GADL1: variants seen among roughly 807,000 people sequenced by gnomAD.
GADL1 encodes the protein GAD like acidic amino acid decarboxylase 1.
GADL1 carries 71 observed loss-of-function variants against 69.5 expected under a neutral mutation model. The ratio of observed to expected loss-of-function variants is 1.02; its 90% CI spans 0.84 to 1.25. The LOEUF is 1.25. GADL1 is among the 50% of genes most tolerant of loss of function. The pLI is 0.00. For missense variants in GADL1, 737 were observed against 631.8 expected (o/e 1.17, Z -1.79); for synonymous variants, 254 against 214.4 (o/e 1.18, Z -1.62).
chr3:30,774,667 T>G (rs1425949550), intron 14 of GADL1, among the ~76,000 whole-genome samples: 3 of 152,222 alleles, frequency 2.0e-5, no homozygotes, highest in African/African-American at 7.2e-5. Flanking sequence ...CTCTTTCATA[T>G]TGTATATAAA....
intron 14 of GADL1, among the ~76,000 whole-genome samples, chr3:30,750,052 A>G (rs1014624496): frequency 1.3e-4 from 20 of 152,178 alleles, no homozygotes; most frequent in African/African-American, 4.3e-4. Flanking sequence ...ATTATCATTC[A>G]GGTTACAGTA....
At chr3:30,767,327 C>CA in intron 14 of GADL1, among the ~76,000 whole-genome samples, 1 of 152,174 alleles carries the variant, frequency 6.6e-6, no homozygotes, top group South Asian at 2.1e-4. Context: ...TGCTATTTTA[C>CA]AAAAGATCCA....
At position 30,728,226 on chromosome 3, in the gene GADL1, G is replaced by A. The variant is rs1695398206; in HGVS notation, c.*16C>T. ...CCCAGGATAGGATCTATGCCTCTGG[G>A]GGACCAAAGCCACAGCTACATGTCT... On this transcript the variant is annotated 3_prime_UTR_variant, in exon 15 of 15. Transcript: ENST00000282538. The A allele has an allele frequency of 1.2e-6, 2 of 1,609,886 alleles. No homozygotes were observed. The highest frequency in any genetic ancestry group is 1.3e-5 in the African/African-American group (1 of 74,772).
chr3:30,873,753 T>G (rs1698528332), intron 1 of GADL1, among the ~76,000 whole-genome samples: 1 of 151,958 alleles, frequency 6.6e-6, no homozygotes. Context: ...CATCATCTGT[T>G]GATTTACTCT....
intron 4 of GADL1, among the ~76,000 whole-genome samples, chr3:30,853,065 G>T (rs950615630): frequency 6.6e-6 from 1 of 152,016 alleles, no homozygotes; most frequent in Non-Finnish European, 1.5e-5. Context: ...TGCTCTCCTC[G>T]TGGCTGCCAC....
intron 12 of GADL1, chr3:30,800,646 C>T (rs1395633229): frequency 1.9e-6 from 1 of 515,096 alleles, no homozygotes; most frequent in African/African-American, 1.9e-5. Context: ...AGGCTAGGAT[C>T]TTGGAGGGAG....
rs1696681049 is a variant in GADL1, at chr3:30,782,232, T to TAAC, written c.1303-3965_1303-3964insGTT. On this transcript the variant is annotated intron_variant, in intron 13 of 14. Transcript: ENST00000282538. ...TCACTATAGGAAATAGATCTCATCT[T>TAAC]TGAAAAGCTGCTCTAGCAGCAGTGT... 2.6e-5 allele frequency among the ~76,000 whole-genome samples: 4 copies of TAAC among 152,266 alleles called. No individual in the cohort carries two copies. In the South Asian group the frequency reaches 8.3e-4, roughly 32 times the overall value.
intron 5 of GADL1, 73 bp from the exon 6 acceptor site, chr3:30,850,184 A>G: frequency 2.5e-6 from 2 of 814,322 alleles, no homozygotes; most frequent in East Asian, 2.6e-5. Flanking sequence ...ATACAGTGGA[A>G]AGCATGAATG....
intron 14 of GADL1, among the ~76,000 whole-genome samples, chr3:30,741,010 AT>A (rs1405064420): frequency 3.7e-5 from 4 of 106,848 alleles, no homozygotes; most frequent in East Asian, 3.3e-4. Flanking sequence ...AATATATATT[AT>A]ATATTATATA....
intron 14 of GADL1, among the ~76,000 whole-genome samples, chr3:30,729,602 CCA>C (rs1231939379): frequency 6.6e-6 from 1 of 152,126 alleles, no homozygotes; most frequent in Non-Finnish European, 1.5e-5. Flanking sequence ...CCACACCAGC[CCA>C]GTTTTTGAAC....
chr3:30,837,265 G>A (rs1697889780), intron 9 of GADL1, among the ~76,000 whole-genome samples: 1 of 151,908 alleles, frequency 6.6e-6, no homozygotes, highest in Non-Finnish European at 1.5e-5. Context: ...AGTACCTATG[G>A]CATATGAAGT....
intron 1 of GADL1, among the ~76,000 whole-genome samples, chr3:30,864,490 C>T (rs1203067607): frequency 6.6e-6 from 1 of 151,954 alleles, no homozygotes; most frequent in African/African-American, 2.4e-5. Flanking sequence ...TAAAAAAAAT[C>T]CCCATAATTC....
chr3:30,814,110 T>C (rs1697413005), intron 11 of GADL1, among the ~76,000 whole-genome samples: 1 of 152,174 alleles, frequency 6.6e-6, no homozygotes, highest in Non-Finnish European at 1.5e-5. Flanking sequence ...TCTCATTTAA[T>C]GTTATATTAG....
At chr3:30,758,089 T>A (rs1269524478) in intron 14 of GADL1, among the ~76,000 whole-genome samples, 1 of 152,222 alleles carries the variant, frequency 6.6e-6, no homozygotes, top group East Asian at 1.9e-4. Context: ...ATAGCTTTCA[T>A]AGTTTCCTGC....
At chr3:30,825,667 A>G (rs1168675349) in intron 11 of GADL1, among the ~76,000 whole-genome samples, 1 of 18,792 alleles carries the variant, frequency 5.3e-5, no homozygotes, top group Non-Finnish European at 8.9e-5. Context: ...TAACTTGCAC[A>G]GGAACAGAAA....
intron 1 of GADL1, among the ~76,000 whole-genome samples, chr3:30,865,808 C>T (rs1698393913): frequency 6.6e-6 from 1 of 151,982 alleles, no homozygotes; most frequent in South Asian, 2.1e-4. Context: ...AGTCATTTGA[C>T]TTCTAGAAGT....
intron 1 of GADL1, among the ~76,000 whole-genome samples, chr3:30,875,520 A>G (rs1698565966): frequency 6.6e-6 from 1 of 151,930 alleles, no homozygotes; most frequent in Admixed American, 6.6e-5. Context: ...AACTAAAAAC[A>G]CAAGTTATCA....
chr3:30,763,081 CAATT>C (rs1455242216), intron 14 of GADL1, among the ~76,000 whole-genome samples: 3 of 152,036 alleles, frequency 2.0e-5, no homozygotes, highest in African/African-American at 2.4e-5. Flanking sequence ...TTTAGGTTGA[CAATT>C]AAAAATCTAG....
chr3:30,762,636 T>C (rs1363800334), intron 14 of GADL1, among the ~76,000 whole-genome samples: 1 of 152,144 alleles, frequency 6.6e-6, no homozygotes, highest in Non-Finnish European at 1.5e-5. Flanking sequence ...CAACCACACT[T>C]TTTAAGTTAT....
Sources: gnomAD v4.1 joint callset for allele counts (sites outside exome capture counted in the v4.1 genomes callset) on GRCh38, gnomAD v4.1.1 for gene constraint, MANE v1.5 for transcripts, NCBI Gene and HGNC (gene_info 2026-07-23, HGNC 2026-07-21) for gene names.